Variants in MARCHF10 observed in about 807,000 individuals in gnomAD.
MARCHF10 encodes probable E3 ubiquitin-protein ligase MARCHF10.
In MARCHF10, 64 loss-of-function variants were observed where a neutral mutation model predicts 76.2. The observed-to-expected ratio is 0.84, with a 90% CI of 0.69 to 1.03. The LOEUF (loss-of-function observed/expected upper bound fraction) is 1.03, where lower values mean the gene tolerates loss of function less well. Ranked by LOEUF, MARCHF10 falls within the 50% of genes least tolerant of loss-of-function variation. The probability of loss-of-function intolerance (pLI) is 0.00; values close to 1 mark genes in which losing one functional copy is unlikely to be tolerated. For synonymous variants in MARCHF10, 340 were observed against 357.5 expected (o/e 0.95, Z 0.55); for missense variants, 875 against 958.0 (o/e 0.91, Z 1.14).
chr17:62,800,670 T>A (rs1476549448), intron 2 of MARCHF10, among the ~76,000 whole-genome samples: 3 of 152,112 alleles, frequency 2.0e-5, no homozygotes, highest in Admixed American at 2.0e-4. Flanking sequence ...CGCTTTTCAA[T>A]CCTCAGCCCA....
chr17:62,752,117 T>A (rs1012367759), intron 4 of MARCHF10, among the ~76,000 whole-genome samples: 2 of 152,156 alleles, frequency 1.3e-5, no homozygotes, highest in African/African-American at 4.8e-5. Context: ...GAGTAAATAT[T>A]ATCCACTTCT....
At chr17:62,775,498 T>C (rs1307718966) in intron 3 of MARCHF10, among the ~76,000 whole-genome samples, 1 of 137,522 alleles carries the variant, frequency 7.3e-6, no homozygotes, top group African/African-American at 3.6e-5. Context: ...ACCAACACTG[T>C]CAGCCACTCG....
At chr17:62,707,157 G>A (rs963242383) in intron 9 of MARCHF10, among the ~76,000 whole-genome samples, 16 of 152,140 alleles carry the variant, frequency 1.1e-4, no homozygotes, top group Non-Finnish European at 1.9e-4. Flanking sequence ...CCCCTGCAAT[G>A]TGGCTGCCCA....
Position 62,759,849 on chromosome 17 carries a change from C to T in MARCHF10, c.368G>A (p.Ser123Asn), listed in dbSNP as rs140159918. ...CAGCCACTCACCTGGAGAGGGTTCG[C>T]TGGGGTCCACTTTCTCTGCTTTCCT... ...TVRKAEKVDP[S>N]EPSPADQAPM... The change falls in exon 4 of 11, where the codon AGC becomes AAC. Residue 123 changes from serine (S) to asparagine (N), a missense_variant. Transcript: ENST00000311269. 285 of 1,613,806 alleles carry T rather than the reference C, an allele frequency of 1.8e-4. No individual in the cohort carries two copies. The highest frequency in any genetic ancestry group is 4.9e-4 in the Middle Eastern group (3 of 6,082).
chr17:62,805,319 G>A (rs911177096), intron 1 of MARCHF10, among the ~76,000 whole-genome samples: 2 of 152,172 alleles, frequency 1.3e-5, no homozygotes, highest in African/African-American at 4.8e-5. Context: ...GTTAAAACAG[G>A]CAGAAGGATA....
chr17:62,738,101 A>ACACACACACACACACACAC lies in MARCHF10; in HGVS notation c.536-770_536-769insGTGTGTGTGTGTGTGTGTG, dbSNP rs2091364459. ...ACACACACACACACACACACACACA[A>ACACACACACACACACACAC]CTTAAGCCTCACAACCCTGTGAAAT... On this transcript the variant is annotated intron_variant, in intron 5 of 10. Coordinates refer to ENST00000311269, the MANE Select transcript of MARCHF10 (RefSeq NM_152598.4). The surrounding 1 kb of genome is among the most constrained non-coding windows in gnomAD (Gnocchi z 4.0). Among the ~76,000 whole-genome samples, 1 of 40,182 alleles carries ACACACACACACACACACAC rather than the reference A, an allele frequency of 2.5e-5. No homozygotes were observed. The highest frequency in any genetic ancestry group is 7.9e-4 in the South Asian group (1 of 1,258). The allele number at this position is 40,182 out of a possible 152,430, so 26.4% of individuals were successfully genotyped here.
chr17:62,771,125 C>T (rs1336107714), intron 3 of MARCHF10, among the ~76,000 whole-genome samples: 2 of 152,078 alleles, frequency 1.3e-5, no homozygotes, highest in African/African-American at 4.8e-5. Context: ...AATTCCTAGC[C>T]ACACCTATGT....
chr17:62,723,578 T>A (rs2090606799), intron 7 of MARCHF10, among the ~76,000 whole-genome samples: 1 of 148,612 alleles, frequency 6.7e-6, no homozygotes, highest in African/African-American at 2.5e-5. Flanking sequence ...TTTTTTTTTT[T>A]AGCGTCATTC....
intron 3 of MARCHF10, among the ~76,000 whole-genome samples, chr17:62,770,887 A>C (rs1597974340): frequency 3.5e-5 from 4 of 112,730 alleles, no homozygotes; most frequent in African/African-American, 7.1e-5. Flanking sequence ...ACAGAGTCTC[A>C]CTCTGTCTCC....
intron 4 of MARCHF10, among the ~76,000 whole-genome samples, chr17:62,753,288 G>A (rs2091950240): frequency 6.6e-6 from 1 of 151,958 alleles, no homozygotes; most frequent in Non-Finnish European, 1.5e-5. Context: ...TGTATTTTTA[G>A]TAGAGATGGG....
chr17:62,749,907 G>C (rs1242881885), intron 4 of MARCHF10: 1 of 152,318 alleles, frequency 6.6e-6, no homozygotes, highest in East Asian at 1.9e-4. Flanking sequence ...CATTAGGAGA[G>C]CCTGTTTGGT....
At chr17:62,766,369 G>A (rs1462970136) in intron 3 of MARCHF10, among the ~76,000 whole-genome samples, 1 of 151,914 alleles carries the variant, frequency 6.6e-6, no homozygotes. Context: ...GCATGGTGGT[G>A]CATGCCTGTA....
chr17:62,743,149 C>T (rs573505064), intron 5 of MARCHF10, among the ~76,000 whole-genome samples: 1 of 152,226 alleles, frequency 6.6e-6, no homozygotes, highest in Non-Finnish European at 1.5e-5. Flanking sequence ...CTTTAGCACC[C>T]AAGATGCCAT....
chr17:62,706,643 G>T (rs2089610529), intron 9 of MARCHF10, among the ~76,000 whole-genome samples: 1 of 152,150 alleles, frequency 6.6e-6, no homozygotes, highest in African/African-American at 2.4e-5. Flanking sequence ...ATTTGAGAAT[G>T]GCTTCTAGAT....
chr17:62,735,545 G>C (rs752833905), intron 6 of MARCHF10: 1 of 177,936 alleles, frequency 5.6e-6, no homozygotes, highest in African/African-American at 2.4e-5. Context: ...GGAGAGCTGC[G>C]AACTTCAAGT....
chr17:62,807,006 G>A (rs914568400), intron 1 of MARCHF10, among the ~76,000 whole-genome samples: 1 of 152,272 alleles, frequency 6.6e-6, no homozygotes, highest in Admixed American at 6.5e-5. Flanking sequence ...CTCCTTAGAC[G>A]GAAGGTTGCT....
intron 3 of MARCHF10, chr17:62,780,871 T>C (rs1009531375): frequency 2.0e-5 from 3 of 152,136 alleles, no homozygotes; most frequent in African/African-American, 7.2e-5. Context: ...ATTAATCATT[T>C]TCATCATCTT....
chr17:62,763,111 G>A (rs548602700), intron 3 of MARCHF10, among the ~76,000 whole-genome samples: 5 of 152,308 alleles, frequency 3.3e-5, no homozygotes, highest in African/African-American at 9.6e-5. Flanking sequence ...TGTACGCATA[G>A]CACTTAGAAC....
At chr17:62,788,724 C>A in intron 2 of MARCHF10, 125 bp from the exon 3 acceptor site, 1 of 1,299,320 alleles carries the variant, frequency 7.7e-7, no homozygotes. Context: ...TCATCAAATA[C>A]CTCTCACCAA....
Sources: allele counts gnomAD v4.1 joint callset (sites outside exome capture counted in the v4.1 genomes callset), GRCh38; gene constraint gnomAD v4.1.1; non-coding constraint Gnocchi (gnomAD v3.1); transcripts MANE v1.5; gene names NCBI Gene and HGNC (gene_info 2026-07-23, HGNC 2026-07-21).